KITLG: variants seen among roughly 807,000 people sequenced by gnomAD.
KITLG encodes the protein c-Kit ligand.
KITLG carries 13 observed loss-of-function variants against 34.1 expected under a neutral mutation model. The ratio of observed to expected loss-of-function variants is 0.38; its 90% CI spans 0.25 to 0.61. The LOEUF is 0.61. KITLG is among the 20% of genes least tolerant of loss of function. The probability of loss-of-function intolerance (pLI) is 0.60; values close to 1 mark genes in which losing one functional copy is unlikely to be tolerated. For missense variants in KITLG, 292 were observed against 318.9 expected, an observed-to-expected ratio of 0.92 and a Z score of 0.64; for synonymous variants, 110 against 104.0, an observed-to-expected ratio of 1.06 and a Z score of -0.35.
At chr12:88,568,490 A>G (rs1201183876) in intron 1 of KITLG, among the ~76,000 whole-genome samples, 1 of 151,982 alleles carries the variant, frequency 6.6e-6, no homozygotes, top group Non-Finnish European at 1.5e-5. Context: ...GTGTTCTTCC[A>G]ACTATGTACT....
chr12:88,527,215 T>C (rs1029656931), intron 3 of KITLG, among the ~76,000 whole-genome samples: 35 of 152,146 alleles, frequency 2.3e-4, no homozygotes, highest in African/African-American at 7.7e-4. Flanking sequence ...CCTTTTCCTG[T>C]TTCCTAAGAG....
chr12:88,505,878 T>C (rs1869038674), intron 8 of KITLG, among the ~76,000 whole-genome samples: 3 of 152,174 alleles, frequency 2.0e-5, no homozygotes, highest in African/African-American at 7.2e-5. Flanking sequence ...ACTCATGAGA[T>C]CATAAAGATG....
At chr12:88,505,266 G>T (rs1243297226) in intron 8 of KITLG, 31 bp from the exon 9 acceptor site, 1 of 1,565,908 alleles carries the variant, frequency 6.4e-7, no homozygotes, top group Non-Finnish European at 8.8e-7. Flanking sequence ...ATGCTTATTT[G>T]CTCTTGGTCA....
chr12:88,516,233 A>G (rs1056549577), intron 5 of KITLG, 101 bp downstream of exon 5: 4 of 943,202 alleles, frequency 4.2e-6, no homozygotes, highest in Non-Finnish European at 6.9e-6. Context: ...ACGTACATGC[A>G]TGTATCTTGC....
chr12:88,516,841 A>G (rs1228923100), intron 4 of KITLG, among the ~76,000 whole-genome samples: 4 of 113,778 alleles, frequency 3.5e-5, no homozygotes, highest in East Asian at 2.1e-4. Flanking sequence ...CAGTCTTTAG[A>G]AAAAAAAAAA....
intron 3 of KITLG, among the ~76,000 whole-genome samples, chr12:88,521,644 A>G (rs932621215): frequency 6.6e-6 from 1 of 152,206 alleles, no homozygotes; most frequent in Non-Finnish European, 1.5e-5. Flanking sequence ...TGACAGTCAT[A>G]CAGGATGTCA....
intron 2 of KITLG, among the ~76,000 whole-genome samples, chr12:88,543,273 C>G (rs1870586442): frequency 6.6e-6 from 1 of 152,122 alleles, no homozygotes; most frequent in African/African-American, 2.4e-5. Context: ...GCCCCCACCC[C>G]CCAACAGGCC....
At chr12:88,546,058 G>T in intron 1 of KITLG, 193 bp from the exon 2 acceptor site, 1 of 690,112 alleles carries the variant, frequency 1.4e-6, no homozygotes, top group Non-Finnish European at 2.7e-6. Context: ...AATCCATTTT[G>T]AATTATTCTC....
At chr12:88,499,213 T>C (rs1197578347) in intron 9 of KITLG, among the ~76,000 whole-genome samples, 1 of 152,164 alleles carries the variant, frequency 6.6e-6, no homozygotes, top group Non-Finnish European at 1.5e-5. Flanking sequence ...TCTAATCATC[T>C]GCTTTACAAT....
At chr12:88,539,743 G>A (rs1489674934) in intron 2 of KITLG, among the ~76,000 whole-genome samples, 1 of 152,058 alleles carries the variant, frequency 6.6e-6, no homozygotes, top group East Asian at 1.9e-4. Context: ...GCAACAAAGT[G>A]AGAGTCCATC....
At chr12:88,571,475 T>C (rs1225376778) in intron 1 of KITLG, among the ~76,000 whole-genome samples, 1 of 152,228 alleles carries the variant, frequency 6.6e-6, no homozygotes. Context: ...AATGATGTTA[T>C]GCATTCACTG....
At chr12:88,498,713 A>G (rs1201661849) in intron 9 of KITLG, among the ~76,000 whole-genome samples, 2 of 152,134 alleles carry the variant, frequency 1.3e-5, no homozygotes, top group Non-Finnish European at 2.9e-5. Flanking sequence ...TGTCTCTACT[A>G]AAAATACAAA....
chr12:88,537,988 T>C (rs966317494), intron 2 of KITLG, among the ~76,000 whole-genome samples: 32 of 152,322 alleles, frequency 2.1e-4, no homozygotes, highest in African/African-American at 6.5e-4. Flanking sequence ...AGTCACTTCA[T>C]CTACTTCAGC....
intron 3 of KITLG, among the ~76,000 whole-genome samples, chr12:88,531,391 T>C (rs890099883): frequency 6.6e-6 from 1 of 152,224 alleles, no homozygotes; most frequent in Non-Finnish European, 1.5e-5. Context: ...GTTACATTTG[T>C]AATGTTTCAT....
At chr12:88,571,941 G>T (rs1428341918) in intron 1 of KITLG, among the ~76,000 whole-genome samples, 1 of 152,084 alleles carries the variant, frequency 6.6e-6, no homozygotes, top group South Asian at 2.1e-4. Context: ...GTGAAATGGG[G>T]TTTAAAAAAA....
intron 1 of KITLG, among the ~76,000 whole-genome samples, chr12:88,579,645 T>C (rs1871945002): frequency 6.6e-6 from 1 of 152,114 alleles, no homozygotes; most frequent in South Asian, 2.1e-4. Context: ...GTACTAGAGC[T>C]CTTTAGAGCC....
rs1390763617 is a variant in KITLG at position 88,492,993 on chromosome 12, G to C, written c.*4226C>G. The C allele has an allele frequency of 6.6e-6, 1 of 152,086 alleles. No homozygotes were observed. Among genetic ancestry groups the C allele is most frequent in the Non-Finnish European group, 1.5e-5 (1 of 67,824 alleles). 9.4% of individuals were successfully genotyped at this position (152,086 alleles called of 1,614,324 possible). ...AGTCATAATAGAACTATTTAGAATA[G>C]TGTCGACATACATTTACATTATTAT... On this transcript the variant is annotated 3_prime_UTR_variant, in exon 10 of 10. Coordinates refer to ENST00000644744, the MANE Select transcript of KITLG (RefSeq NM_000899.5).
intron 1 of KITLG, among the ~76,000 whole-genome samples, chr12:88,555,439 T>C (rs1281931323): frequency 6.6e-6 from 1 of 152,164 alleles, no homozygotes; most frequent in Non-Finnish European, 1.5e-5. Flanking sequence ...AATTGCTGGA[T>C]TGGATATAAA....
At chr12:88,512,614 G>C (rs760750861) in intron 6 of KITLG, among the ~76,000 whole-genome samples, 60 of 151,948 alleles carry the variant, frequency 3.9e-4, no homozygotes, top group Admixed American at 8.5e-4. Context: ...TGTTAAAAAG[G>C]AGAACACTTT....
Sources: allele counts gnomAD v4.1 joint callset (sites outside exome capture counted in the v4.1 genomes callset), GRCh38; gene constraint gnomAD v4.1.1; transcripts MANE v1.5; gene names NCBI Gene and HGNC (gene_info 2026-07-23, HGNC 2026-07-21).